KIAA1549L: variants seen among roughly 807,000 people sequenced by gnomAD.
KIAA1549L encodes the protein KIAA1549 like, also known as UPF0606 protein KIAA1549L.
KIAA1549L carries 88 observed loss-of-function variants against 160.7 expected under a neutral mutation model. The ratio of observed to expected loss-of-function variants is 0.55; its 90% confidence interval spans 0.46 to 0.65. KIAA1549L has a LOEUF of 0.65. Ranked by LOEUF, KIAA1549L falls within the 30% of genes least tolerant of loss-of-function variation. The pLI, the probability that KIAA1549L is intolerant of heterozygous loss-of-function variation, is 0.00. For synonymous variants in KIAA1549L, 950 were observed against 976.7 expected (o/e 0.97, Z 0.51); for missense variants, 2,258 against 2,437.5 (o/e 0.93, Z 1.55).
intron 8 of KIAA1549L, among the ~76,000 whole-genome samples, chr11:33,562,678 C>CTTTTT (rs35756207): frequency 1.5e-5 from 2 of 134,036 alleles, no homozygotes; most frequent in African/African-American, 5.6e-5. Flanking sequence ...TTCATTTCCT[C>CTTTTT]TTTTTTTTTT....
chr11:33,591,438 C>G lies in KIAA1549L; in HGVS notation c.4751+17C>G, dbSNP rs756455279. The G allele has an allele frequency of 3.8e-6, 6 of 1,574,558 alleles. No homozygotes were observed. The highest frequency in any genetic ancestry group is 1.7e-4 in the Middle Eastern group (1 of 5,916). ...CAGGAAGAGGTAGGCACGGGGCTGA[C>G]TTCTGCCTCTCTGTGTCAGCAAGAG... is the stretch of plus-strand genomic sequence containing the variant. On this transcript the variant is annotated intron_variant, in intron 12 of 20. Coordinates refer to ENST00000658780, the MANE Select transcript of KIAA1549L (RefSeq NM_012194.3).
chr11:33,437,366 A>G (rs553309759), intron 1 of KIAA1549L, among the ~76,000 whole-genome samples: 6 of 152,200 alleles, frequency 3.9e-5, no homozygotes, highest in Non-Finnish European at 8.8e-5. Context: ...TGCTGGAAGA[A>G]ACAGAAGTGT....
chr11:33,616,658 A>G (rs901325649), intron 15 of KIAA1549L, among the ~76,000 whole-genome samples: 4 of 152,216 alleles, frequency 2.6e-5, no homozygotes, highest in Non-Finnish European at 5.9e-5. Context: ...GCTTTGCCTT[A>G]GAATTCTACT....
intron 1 of KIAA1549L, among the ~76,000 whole-genome samples, chr11:33,506,848 A>G (rs1396056169): frequency 6.6e-6 from 1 of 152,206 alleles, no homozygotes; most frequent in East Asian, 1.9e-4. Flanking sequence ...ATAAATCTGT[A>G]TTAAAAAACA....
At chr11:33,616,355 A>C (rs1001284507) in intron 15 of KIAA1549L, among the ~76,000 whole-genome samples, 1 of 152,254 alleles carries the variant, frequency 6.6e-6, no homozygotes, top group Admixed American at 6.5e-5. Flanking sequence ...CCCTAGCAAA[A>C]GCCCTGAGAC....
chr11:33,499,293 A>T (rs1416499977), intron 1 of KIAA1549L, among the ~76,000 whole-genome samples: 1 of 152,228 alleles, frequency 6.6e-6, no homozygotes, highest in Admixed American at 6.5e-5. Flanking sequence ...TAATCTTTTG[A>T]AGCTCAGAGA....
At chr11:33,464,191 G>A (rs1186299055) in intron 1 of KIAA1549L, among the ~76,000 whole-genome samples, 1 of 152,148 alleles carries the variant, frequency 6.6e-6, no homozygotes, top group Non-Finnish European at 1.5e-5. Flanking sequence ...ATCCAGCCTG[G>A]TTCCAAAGAT....
rs758405482 is a variant in KIAA1549L at position 33,543,317 on chromosome 11, C to T, written c.1754C>T (p.Pro585Leu). The T allele has an allele frequency of 7.4e-6, 12 of 1,613,918 alleles. No individual in the cohort carries two copies. The East Asian group carries it at 2.2e-4, about 30-fold the overall frequency. Residue 585 changes from proline (P) to leucine (L), a missense_variant, in exon 2 of 21, where the codon CCA becomes CTA. By Grantham distance (98) the Pro-to-Leu change is moderately conservative (BLOSUM62 -3). Coordinates refer to ENST00000658780, the MANE Select transcript of KIAA1549L (RefSeq NM_012194.3). ...ANVTIPLQAF[P>L]RKEVLSLHTV... ...GTGACGATTCCTCTCCAGGCCTTTCCAAGGAAAGAGGTTTTGAGTCTTCAC... is the reference window on the plus strand; with the variant it reads ...GTGACGATTCCTCTCCAGGCCTTTCTAAGGAAAGAGGTTTTGAGTCTTCAC...
intron 1 of KIAA1549L, among the ~76,000 whole-genome samples, chr11:33,515,132 A>G (rs1853315359): frequency 6.6e-6 from 1 of 152,224 alleles, no homozygotes; most frequent in Admixed American, 6.5e-5. Flanking sequence ...AGTGAATAAA[A>G]GCCACCTGAG....
intron 10 of KIAA1549L, among the ~76,000 whole-genome samples, chr11:33,577,652 C>T (rs996481001): frequency 1.3e-5 from 2 of 152,092 alleles, no homozygotes; most frequent in African/African-American, 4.8e-5. Flanking sequence ...CAGCTGAAAT[C>T]GAGGTGTGTG....
chr11:33,536,236 C>T (rs568951286), intron 1 of KIAA1549L, among the ~76,000 whole-genome samples: 41 of 152,206 alleles, frequency 2.7e-4, no homozygotes, highest in Non-Finnish European at 4.7e-4. Context: ...TTTTATTATG[C>T]CCATGGTTTT....
intron 17 of KIAA1549L, among the ~76,000 whole-genome samples, chr11:33,649,272 G>T (rs554727282): frequency 6.6e-5 from 10 of 151,256 alleles, no homozygotes; most frequent in African/African-American, 2.4e-4. Context: ...CCAGCACTTT[G>T]GGAGGCTCGC....
chr11:33,660,676 A>C (rs974696599), intron 19 of KIAA1549L, among the ~76,000 whole-genome samples, 187 bp from the exon 20 acceptor site: 1 of 152,212 alleles, frequency 6.6e-6, no homozygotes, highest in Non-Finnish European at 1.5e-5. Context: ...ACCTTAAATG[A>C]AACTAAATTC....
chr11:33,645,372 A>G (rs1247921910), intron 16 of KIAA1549L, among the ~76,000 whole-genome samples: 1 of 152,064 alleles, frequency 6.6e-6, no homozygotes, highest in Non-Finnish European at 1.5e-5. Context: ...TCTCTAAAAG[A>G]TTTTAGAAAG....
Position 33,542,108 on chromosome 11 carries a change from C to T in KIAA1549L, c.545C>T (p.Pro182Leu), listed in dbSNP as rs1193213464. 20 of 504,848 alleles carry T rather than the reference C, an allele frequency of 4.0e-5. No individual in the cohort carries two copies. The highest frequency in any genetic ancestry group is 6.6e-5 in the Non-Finnish European group (17 of 258,954). The allele number at this position is 504,848 out of a possible 1,614,324, so 31.3% of individuals were successfully genotyped here. A position where few individuals can be genotyped will look rare whatever the true frequency, so the allele number is the denominator to read the frequency against. ...SKDSTESLVQPGPKGGQEAAD... is the reference protein window; with the variant it reads ...SKDSTESLVQLGPKGGQEAAD... ...GATTCTACCGAGTCCCTGGTCCAAC[C>T]GGGGCCTAAAGGGGGACAAGAAGCA... is the stretch of plus-strand genomic sequence containing the variant. The change falls in exon 2 of 21, where the codon CCG (proline) becomes CTG (leucine). Residue 182 changes from proline to leucine, a missense_variant. By Grantham distance (98) the Pro-to-Leu change is moderately conservative (BLOSUM62 -3). This residue lies in a region of KIAA1549L where 540 missense variants were observed against 465.7 expected (regional missense o/e 1.16). Coordinates refer to ENST00000658780, the MANE Select transcript of KIAA1549L (RefSeq NM_012194.3).
At chr11:33,433,299 G>A (rs759955817) in intron 1 of KIAA1549L, among the ~76,000 whole-genome samples, 4 of 152,062 alleles carry the variant, frequency 2.6e-5, no homozygotes, top group African/African-American at 4.8e-5. Context: ...GAACAGACAC[G>A]TATCAAAAGA....
At position 33,656,048 on chromosome 11, in the gene KIAA1549L, G is replaced by C; in HGVS notation, c.5797G>C (p.Gly1933Arg). 6.2e-7 allele frequency: 1 copy of C among 1,613,900 alleles called. No homozygotes were observed. The highest frequency in any genetic ancestry group is 8.5e-7 in the Non-Finnish European group (1 of 1,179,850). The change falls in exon 18 of 21, where the codon GGC becomes CGC. Residue 1933 changes from glycine to arginine, a missense_variant. This residue lies in a region of KIAA1549L where 1,359 missense variants were observed against 1,546.6 expected (regional missense o/e 0.88). Coordinates refer to ENST00000658780, the MANE Select transcript of KIAA1549L (RefSeq NM_012194.3). The part of the protein sequence containing the change: ...RFSQLPEMVM[G>R]SPPPPVPPRT... ...TTCCCAGCTTCCTGAGATGGTCATG[G>C]GCTCACCGCCTCCACCCGTACCTCC... is the stretch of plus-strand genomic sequence containing the variant.
intron 16 of KIAA1549L, among the ~76,000 whole-genome samples, chr11:33,622,493 A>T (rs1434464757): frequency 6.6e-6 from 1 of 152,176 alleles, no homozygotes; most frequent in Non-Finnish European, 1.5e-5. Context: ...CCACAGAACC[A>T]GAGTTAAGGA....
chr11:33,395,601 G>A (rs1254932092), intron 1 of KIAA1549L, among the ~76,000 whole-genome samples: 1 of 152,070 alleles, frequency 6.6e-6, no homozygotes, highest in African/African-American at 2.4e-5. Flanking sequence ...TGGAGAACAG[G>A]TGGTATTTGG....
Sources: allele counts gnomAD v4.1 joint callset (sites outside exome capture counted in the v4.1 genomes callset), GRCh38; gene constraint gnomAD v4.1.1; regional missense constraint gnomAD v4.1.1; transcripts MANE v1.5; gene names NCBI Gene and HGNC (gene_info 2026-07-23, HGNC 2026-07-21).